The following AHI1 variants were observed in gnomAD, a reference collection of about 807,000 sequenced individuals.
The protein encoded by AHI1 is Abelson helper integration site 1, also known as jouberin.
Under a neutral mutation model 149.3 loss-of-function variants are expected in AHI1, and 123 were observed. The observed-to-expected ratio is 0.82, with a 90% CI of 0.71 to 0.96. The LOEUF (loss-of-function observed/expected upper bound fraction) is 0.96. Ranked by LOEUF, AHI1 falls within the 40% of genes least tolerant of loss-of-function variation. The pLI is 0.00. For synonymous variants in AHI1, 475 were observed against 459.8 expected, an observed-to-expected ratio of 1.03 and a Z score of -0.42; for missense variants, 1,439 against 1,422.7, an observed-to-expected ratio of 1.01 and a Z score of -0.18.
intron 21 of AHI1, among the ~76,000 whole-genome samples, chr6:135,406,824 T>C (rs1205486361): frequency 1.3e-5 from 2 of 152,150 alleles, no homozygotes; most frequent in African/African-American, 2.4e-5. Context: ...TATTATAAGG[T>C]GTATTTTCAT....
chr6:135,384,953 G>C (rs963644621), intron 23 of AHI1, among the ~76,000 whole-genome samples: 1 of 152,042 alleles, frequency 6.6e-6, no homozygotes, highest in Non-Finnish European at 1.5e-5. Flanking sequence ...GCTGGGCATG[G>C]TGGCAGGTAC....
chr6:135,304,694 C>T (rs780902241), intron 26 of AHI1, among the ~76,000 whole-genome samples: 3 of 152,062 alleles, frequency 2.0e-5, no homozygotes, highest in African/African-American at 7.2e-5. Context: ...TTGCTTGAAC[C>T]CAGGAGGCGG....
At chr6:135,301,248 T>C (rs1397865084) in intron 26 of AHI1, 2 of 984,354 alleles carry the variant, frequency 2.0e-6, no homozygotes, top group African/African-American at 1.7e-5. Flanking sequence ...ATAATCACGT[T>C]ATGGAAAGGA....
intron 23 of AHI1, among the ~76,000 whole-genome samples, chr6:135,360,717 T>G (rs1793731160): frequency 6.6e-6 from 1 of 152,238 alleles, no homozygotes; most frequent in African/African-American, 2.4e-5. Flanking sequence ...CATAATTGTG[T>G]AGGAATATAG....
chr6:135,385,574 G>A (rs117315724), intron 23 of AHI1, among the ~76,000 whole-genome samples: 90 of 152,276 alleles, frequency 5.9e-4, no homozygotes, highest in East Asian at 1.7e-3. Flanking sequence ...CATAGAAGAC[G>A]GAAAACGATT....
At chr6:135,480,296 A>G (rs1403845883) in intron 5 of AHI1, among the ~76,000 whole-genome samples, 1 of 152,082 alleles carries the variant, frequency 6.6e-6, no homozygotes, top group African/African-American at 2.4e-5. Flanking sequence ...GTCTCTACAG[A>G]AAAAAACAAA....
Position 135,433,138 on chromosome 6 carries a change from CAT to C in AHI1, c.2153_2154del (p.Tyr718Ter), listed in dbSNP as rs1365717377. ...AVRELVVTGC[Y>X]DSMIRIWKVE... The stretch of plus-strand genomic sequence containing the variant: ...ACTTTCCATATCCGTATCATGGAAT[CAT>C]AGCATCCTGTAACTACTAGCTCTCT... On this transcript the variant is annotated frameshift_variant, in exon 16 of 29. Coordinates refer to ENST00000265602, the MANE Select transcript of AHI1 (RefSeq NM_001134831.2). LOFTEE classifies it high-confidence loss of function. The C allele has an allele frequency of 6.2e-7, 1 of 1,613,050 alleles. No individual in the cohort carries two copies. Among genetic ancestry groups the C allele is most frequent in the African/African-American group, 1.3e-5 (1 of 74,926 alleles).
At chr6:135,288,726 C>T (rs1244216440) in intron 28 of AHI1, among the ~76,000 whole-genome samples, 6 of 151,830 alleles carry the variant, frequency 4.0e-5, no homozygotes, top group Non-Finnish European at 7.4e-5. Context: ...AAACACTGCT[C>T]GAAGGAGTAG....
intron 20 of AHI1, among the ~76,000 whole-genome samples, chr6:135,417,668 A>G (rs1782573769): frequency 6.6e-6 from 1 of 152,034 alleles, no homozygotes; most frequent in African/African-American, 2.4e-5. Context: ...GAAATTTTCT[A>G]TACAGAAGCC....
chr6:135,466,070 C>T lies in AHI1; in HGVS notation c.493G>A (p.Val165Ile), dbSNP rs755936005. 1.9e-5 allele frequency: 31 copies of T among 1,613,818 alleles called. 1 individual carries two copies. In the African/African-American group the frequency reaches 2.0e-4, roughly 10 times the overall value. Residue 165 changes from valine (V) to isoleucine (I), a missense_variant, in exon 7 of 29, where the codon GTT (valine) becomes ATT (isoleucine). Coordinates refer to ENST00000265602, the MANE Select transcript of AHI1 (RefSeq NM_001134831.2). ...QKTHTKPQPG[V>I]DHQKSEKANE... is the part of the protein sequence containing the mutation. ...GCCTTCTCACTTTTCTGATGATCAA[C>T]GCCTGGCTGTGGCTTTGTATGTGTT... is the stretch of plus-strand genomic sequence containing the variant.
rs185674070 is a variant in AHI1 at position 135,381,829 on chromosome 6, C to T, written c.3109+12947G>A. ...AGATAGACTGGAAAGCCTCTGAGGGCTTTCATCTTCCATTTCTCGCAGTGC... is the reference window on the plus strand; with the variant it reads ...AGATAGACTGGAAAGCCTCTGAGGGTTTTCATCTTCCATTTCTCGCAGTGC... On this transcript the variant is annotated intron_variant, in intron 23 of 28. Transcript: ENST00000265602. 3.2e-3 allele frequency among the ~76,000 whole-genome samples: 488 copies of T among 152,306 alleles called. 3 individuals are homozygous for T. The highest frequency in any genetic ancestry group is 0.011 in the African/African-American group (446 of 41,572).
intron 21 of AHI1, among the ~76,000 whole-genome samples, chr6:135,410,169 C>T (rs1781376640): frequency 6.6e-6 from 1 of 152,074 alleles, no homozygotes; most frequent in South Asian, 2.1e-4. Flanking sequence ...GAGTTGGAGA[C>T]CAGCCTGGGC....
At chr6:135,337,515 T>A (rs962014171) in intron 24 of AHI1, among the ~76,000 whole-genome samples, 14 of 151,766 alleles carry the variant, frequency 9.2e-5, no homozygotes, top group Admixed American at 2.0e-4. Flanking sequence ...TCTCAGCACT[T>A]TGGGAGGTCA....
At chr6:135,336,139 C>T (rs1383974062) in intron 24 of AHI1, among the ~76,000 whole-genome samples, 1 of 149,722 alleles carries the variant, frequency 6.7e-6, no homozygotes, top group Non-Finnish European at 1.5e-5. Flanking sequence ...AAAAAAAATT[C>T]CATATTTATA....
chr6:135,322,429 T>G (rs545701437), intron 25 of AHI1, among the ~76,000 whole-genome samples: 2 of 152,278 alleles, frequency 1.3e-5, no homozygotes, highest in South Asian at 4.2e-4. Context: ...GGCCTAGTGG[T>G]GAATCTACAG....
chr6:135,311,532 T>C (rs921328281), intron 26 of AHI1, among the ~76,000 whole-genome samples: 12 of 152,156 alleles, frequency 7.9e-5, no homozygotes, highest in African/African-American at 2.9e-4. Flanking sequence ...ATTTTAAAAC[T>C]ATGAACATGT....
rs561464782 is a variant in AHI1, at chr6:135,354,996, G to A, written c.3165+3136C>T. 7.3e-4 allele frequency among the ~76,000 whole-genome samples: 111 copies of A among 152,188 alleles called. 1 individual carries two copies. The highest frequency in any genetic ancestry group is 4.6e-3 in the South Asian group (22 of 4,824). On this transcript the variant is annotated intron_variant, in intron 24 of 28. Coordinates refer to ENST00000265602, the MANE Select transcript of AHI1 (RefSeq NM_001134831.2). ...CAATGTCTCTTCTGCAATACTAAAC[G>A]CCAGAATGCAAAGATAATCAACTTC...
chr6:135,405,311 C>A (rs936907615), intron 21 of AHI1, among the ~76,000 whole-genome samples: 1 of 152,048 alleles, frequency 6.6e-6, no homozygotes, highest in African/African-American at 2.4e-5. Context: ...GAGTTAAATG[C>A]AATATATAAT....
chr6:135,300,821 A>C, intron 26 of AHI1: 1 of 1,082,680 alleles, frequency 9.2e-7, no homozygotes, highest in African/African-American at 1.6e-5. Flanking sequence ...GTGACCAAAA[A>C]AAAAAAAAAA....
Sources: allele counts gnomAD v4.1 joint callset (sites outside exome capture counted in the v4.1 genomes callset), GRCh38; gene constraint gnomAD v4.1.1; transcripts MANE v1.5; gene names NCBI Gene and HGNC (gene_info 2026-07-23, HGNC 2026-07-21).